Variants in FHIP1A observed in about 807,000 individuals in gnomAD.
The protein encoded by FHIP1A is FHF complex subunit HOOK-interacting protein 1A.
A neutral mutation model predicts 88.6 loss-of-function variants in FHIP1A; 61 were observed. The ratio of observed to expected loss-of-function variants is 0.69; its 90% CI spans 0.56 to 0.85. The LOEUF is 0.85. FHIP1A is among the 40% of genes least tolerant of loss of function. The probability of loss-of-function intolerance (pLI) is 0.00; values close to 1 mark genes in which losing one functional copy is unlikely to be tolerated. For missense variants in FHIP1A, 1,154 were observed against 1,273.5 expected, an observed-to-expected ratio of 0.91 and a Z score of 1.43; for synonymous variants, 478 against 496.0, an observed-to-expected ratio of 0.96 and a Z score of 0.48.
chr4:151,562,501 G>A (rs1578755887), intron 3 of FHIP1A, among the ~76,000 whole-genome samples: 1 of 151,956 alleles, frequency 6.6e-6, no homozygotes, highest in Non-Finnish European at 1.5e-5. Flanking sequence ...TTCCCATTAG[G>A]CCTGCCAATA....
intron 13 of FHIP1A, among the ~76,000 whole-genome samples, chr4:151,657,888 T>C (rs1244323186): frequency 6.6e-6 from 1 of 152,226 alleles, no homozygotes; most frequent in African/African-American, 2.4e-5. Flanking sequence ...TTGATCTTGG[T>C]TGCTTTACCT....
chr4:151,662,604 G>A lies in FHIP1A; in HGVS notation c.2973G>A (p.Glu991=). ...TGACCCACAGAACCAAGGTGGCTGAGGCACCCCCCAACCTGCCCCTGCCGG... is the reference window on the plus strand; with the variant it reads ...TGACCCACAGAACCAAGGTGGCTGAAGCACCCCCCAACCTGCCCCTGCCGG... The part of the protein sequence containing the change: ...PFLTHRTKVA[E]APPNLPLPVR... The change falls in exon 14 of 14, where the codon GAG becomes GAA. Residue 991 remains glutamate (E), a synonymous_variant. Transcript: ENST00000435205. The A allele has an allele frequency of 1.3e-6, 2 of 1,551,586 alleles. No homozygotes were observed. Among genetic ancestry groups the A allele is most frequent in the Non-Finnish European group, 8.7e-7 (1 of 1,146,972 alleles).
intron 7 of FHIP1A, among the ~76,000 whole-genome samples, chr4:151,617,323 A>C (rs78065138): frequency 6.6e-6 from 1 of 151,412 alleles, no homozygotes; most frequent in African/African-American, 2.4e-5. Flanking sequence ...AAAAAAAAAA[A>C]CAAATTGGAG....
chr4:151,662,755 CT>C lies in FHIP1A; in HGVS notation c.*17del, dbSNP rs11378262. ...TGACTTTGAGGACTCCTGCTGTTAG[CT>C]TTTTTTTTTTTTTTTAATAGAGGTT... On this transcript the variant is annotated 3_prime_UTR_variant, in exon 14 of 14. Transcript: ENST00000435205. The C allele has an allele frequency of 0.027, 33,695 of 1,264,434 alleles. 1 individual carries two copies. The highest frequency in any genetic ancestry group is 0.034 in the South Asian group (1,804 of 53,616). 78.3% of individuals were successfully genotyped at this position (1,264,434 alleles called of 1,614,324 possible). A position where few individuals can be genotyped will look rare whatever the true frequency, so the allele number is the denominator to read the frequency against.
At chr4:151,525,952 G>A (rs1378284807) in intron 3 of FHIP1A, among the ~76,000 whole-genome samples, 1 of 151,802 alleles carries the variant, frequency 6.6e-6, no homozygotes, top group African/African-American at 2.4e-5. Flanking sequence ...AGGGAGTGGT[G>A]ATGACTCTTA....
At chr4:151,614,910 C>T (rs1253157556) in intron 7 of FHIP1A, among the ~76,000 whole-genome samples, 2 of 152,142 alleles carry the variant, frequency 1.3e-5, no homozygotes, top group East Asian at 3.8e-4. Context: ...TTTTTTCCCC[C>T]TCTTATCATT....
At chr4:151,638,599 C>G in intron 8 of FHIP1A, 78 bp from the exon 9 acceptor site, 9 of 769,888 alleles carry the variant, frequency 1.2e-5, no homozygotes, top group African/African-American at 1.8e-5. Context: ...TTTTGTAATT[C>G]TGATTTATTT....
At chr4:151,529,773 T>C (rs571016445) in intron 3 of FHIP1A, among the ~76,000 whole-genome samples, 1 of 152,300 alleles carries the variant, frequency 6.6e-6, no homozygotes, top group Non-Finnish European at 1.5e-5. Context: ...ACTGAGGAAA[T>C]TGGAGCCAAA....
At chr4:151,614,929 G>A (rs1391627009) in intron 7 of FHIP1A, among the ~76,000 whole-genome samples, 1 of 152,118 alleles carries the variant, frequency 6.6e-6, no homozygotes, top group African/African-American at 2.4e-5. Flanking sequence ...TTTTAATAAT[G>A]AATTTCACCT....
intron 4 of FHIP1A, among the ~76,000 whole-genome samples, chr4:151,570,290 T>C (rs981495405): frequency 1.3e-5 from 2 of 152,152 alleles, no homozygotes; most frequent in Non-Finnish European, 2.9e-5. Context: ...CTGCCTGAAA[T>C]ATTCCTCCCA....
At chr4:151,492,262 A>G (rs1197841145) in intron 3 of FHIP1A, among the ~76,000 whole-genome samples, 1 of 152,110 alleles carries the variant, frequency 6.6e-6, no homozygotes. Context: ...CCACAAAACA[A>G]GTCTCGATAA....
rs950475604 is a variant in FHIP1A at position 151,640,451 on chromosome 4, A to G, written c.1226+1695A>G. ...ACACCCTGGGTAGTCTGGGTAGAAC[A>G]TTAGTTATCTTTCCTAAAAGGATTA... is the stretch of plus-strand genomic sequence containing the variant. On this transcript the variant is annotated intron_variant, in intron 9 of 13. Transcript: ENST00000435205. 3.3e-5 allele frequency among the ~76,000 whole-genome samples: 5 copies of G among 152,210 alleles called. No homozygotes were observed. The East Asian group carries it at 9.6e-4, about 29-fold the overall frequency.
At position 151,668,255 on chromosome 4, in the gene FHIP1A, A is replaced by G. The variant is rs1330061087; in HGVS notation, c.*5501A>G. Among the ~76,000 whole-genome samples, 1 of 152,112 alleles carries G rather than the reference A, an allele frequency of 6.6e-6. No homozygotes were observed. Among genetic ancestry groups the G allele is most frequent in the Non-Finnish European group, 1.5e-5 (1 of 68,012 alleles). On this transcript the variant is annotated 3_prime_UTR_variant, in exon 14 of 14. Transcript: ENST00000435205. ...GTAAAGAATATGGCCTTTCAGATAG[A>G]TCTGGTGGCTTTTCCCCAATAGTCA...
intron 5 of FHIP1A, among the ~76,000 whole-genome samples, chr4:151,585,802 C>T (rs1018390260): frequency 6.6e-6 from 1 of 152,090 alleles, no homozygotes; most frequent in African/African-American, 2.4e-5. Flanking sequence ...AAATTAAGGA[C>T]CAGAACACTA....
chr4:151,631,526 G>T (rs951540667), intron 8 of FHIP1A, among the ~76,000 whole-genome samples: 5 of 152,112 alleles, frequency 3.3e-5, no homozygotes, highest in African/African-American at 1.2e-4. Flanking sequence ...CAAACATTTA[G>T]GCACTAGTTA....
chr4:151,502,929 C>G (rs1730703481), intron 3 of FHIP1A, among the ~76,000 whole-genome samples: 1 of 152,190 alleles, frequency 6.6e-6, no homozygotes, highest in Admixed American at 6.5e-5. Context: ...GACCGTTATA[C>G]TGAAACATCT....
chr4:151,659,712 G>A (rs1164490172), intron 13 of FHIP1A, among the ~76,000 whole-genome samples: 17 of 152,168 alleles, frequency 1.1e-4, no homozygotes, highest in African/African-American at 9.7e-5. Context: ...TATGAGGGGC[G>A]TAACTCAGGC....
At chr4:151,509,400 C>G (rs1444898820) in intron 3 of FHIP1A, among the ~76,000 whole-genome samples, 1 of 152,058 alleles carries the variant, frequency 6.6e-6, no homozygotes, top group African/African-American at 2.4e-5. Flanking sequence ...CTCCTGACCT[C>G]GTGATCCGCC....
Position 151,646,668 on chromosome 4 carries a change from G to C in FHIP1A, c.1337G>C (p.Cys446Ser). 1 of 1,551,560 alleles carries C rather than the reference G, an allele frequency of 6.4e-7. No individual in the cohort carries two copies. The change falls in exon 10 of 14, where the codon TGC (cysteine) becomes TCC (serine). Residue 446 changes from cysteine (C) to serine (S), a missense_variant. By Grantham distance (112) the Cys-to-Ser change is moderately radical. Coordinates refer to ENST00000435205, the MANE Select transcript of FHIP1A (RefSeq NM_001109977.3). Reference sequence around the variant, plus strand: ...CTTCTCGCCTTGACTCCTGTCTGCTGCTCCAGCGGGATCACTCTGACGCTG... The same window carrying C: ...CTTCTCGCCTTGACTCCTGTCTGCTCCTCCAGCGGGATCACTCTGACGCTG... ...AKLLALTPVC[C>S]SSGITLTLGN... is the part of the protein sequence containing the mutation.
Sources: allele counts gnomAD v4.1 joint callset (sites outside exome capture counted in the v4.1 genomes callset), GRCh38; gene constraint gnomAD v4.1.1; transcripts MANE v1.5; gene names NCBI Gene and HGNC (gene_info 2026-07-23, HGNC 2026-07-21).